LRRC18: variants seen among roughly 807,000 people sequenced by gnomAD.
LRRC18 encodes leucine-rich repeat-containing protein 18.
Under a neutral mutation model 11.2 loss-of-function variants are expected in LRRC18, and 12 were observed. That is an observed-to-expected ratio of 1.07 (90% CI 0.69 to 1.74). LRRC18 has a LOEUF of 1.74. Among genes scored for constraint, LRRC18 ranks in the 40% most tolerant of loss-of-function variants. The pLI is 0.00. For missense variants in LRRC18, 374 were observed against 330.5 expected (o/e 1.13, Z -1.02); for synonymous variants, 155 against 130.6 (o/e 1.19, Z -1.27).
chr10:48,931,381 A>G, the LRRC18 span, among the ~76,000 whole-genome samples: 1 of 152,304 alleles, frequency 6.6e-6, no homozygotes, highest in Non-Finnish European at 1.5e-5. Flanking sequence ...GGGGAGGAGC[A>G]GGCAGCCCAA....
chr10:48,931,096 AACACACACACACAC>A, the LRRC18 span, among the ~76,000 whole-genome samples: 808 of 150,342 alleles, frequency 5.4e-3, 1 homozygote, highest in Admixed American at 8.1e-3. Flanking sequence ...CTCACACTCA[AACACACACACACAC>A]ACACACACAC....
At chr10:48,930,606 G>A in the LRRC18 span, among the ~76,000 whole-genome samples, 1 of 152,092 alleles carries the variant, frequency 6.6e-6, no homozygotes, top group Non-Finnish European at 1.5e-5. Flanking sequence ...ACACATGGAG[G>A]CCACTTCTAA....
At chr10:48,936,777 G>A in the LRRC18 span, among the ~76,000 whole-genome samples, 1 of 150,032 alleles carries the variant, frequency 6.7e-6, no homozygotes, top group African/African-American at 2.5e-5. Context: ...GACAGAGGTT[G>A]CAGTGAGCCG....
chr10:48,910,375 G>T (rs1477206797), intron 1 of LRRC18, 117 bp from the exon 4 acceptor site: 1 of 880,762 alleles, frequency 1.1e-6, no homozygotes, highest in Non-Finnish European at 1.9e-6. Context: ...GGATGGTCAG[G>T]TTAGTGTGAA....
chr10:48,937,531 C>T, the LRRC18 span, among the ~76,000 whole-genome samples: 3 of 152,162 alleles, frequency 2.0e-5, 1 homozygote, highest in African/African-American at 7.2e-5. Context: ...CCTCCTTGCC[C>T]CACACCTCCA....
At chr10:48,914,450 G>T (rs892054511), upstream of LRRC18, among the ~76,000 whole-genome samples, 4 of 152,156 alleles carry the variant, frequency 2.6e-5, no homozygotes, top group African/African-American at 7.2e-5. Context: ...GAGGTGCAGG[G>T]TCAGCCTGAA....
chr10:48,935,357 AG>A, the LRRC18 span: 1 of 152,262 alleles, frequency 6.6e-6, no homozygotes, highest in African/African-American at 2.4e-5. Context: ...TGCCACGAGG[AG>A]GGAACCCCAG....
chr10:48,933,865 G>A, the LRRC18 span, among the ~76,000 whole-genome samples: 3 of 152,144 alleles, frequency 2.0e-5, no homozygotes, highest in African/African-American at 7.2e-5. Context: ...TGATAGGAAG[G>A]GAGAAAGGGC....
the LRRC18 span, among the ~76,000 whole-genome samples, chr10:48,932,876 A>G: frequency 6.6e-6 from 1 of 152,132 alleles, no homozygotes; most frequent in African/African-American, 2.4e-5. Context: ...ACATGGAAGG[A>G]TTTTGGAAAG....
At chr10:48,911,440 A>G (rs2133475169) in intron 1 of LRRC18, among the ~76,000 whole-genome samples, 1 of 152,374 alleles carries the variant, frequency 6.6e-6, no homozygotes, top group East Asian at 1.9e-4. Context: ...CAAGGAAATA[A>G]TTAAAAATAT....
chr10:48,918,709 C>G (rs1385218871), upstream of LRRC18, among the ~76,000 whole-genome samples: 2 of 152,068 alleles, frequency 1.3e-5, no homozygotes, highest in South Asian at 2.1e-4. Context: ...AACCTTGGCT[C>G]TGTTGACATT....
At chr10:48,916,035 C>A (rs6537584), upstream of LRRC18, among the ~76,000 whole-genome samples, 63,843 of 152,014 alleles carry the variant, frequency 0.42, 13,641 homozygotes, top group South Asian at 0.58. Context: ...CTCACTTGGT[C>A]CCACCAAACT....
chr10:48,918,706 G>A (rs926706347), upstream of LRRC18, among the ~76,000 whole-genome samples: 1 of 152,126 alleles, frequency 6.6e-6, no homozygotes, highest in Admixed American at 6.5e-5. Context: ...CTCAACCTTG[G>A]CTCTGTTGAC....
chr10:48,932,217 A>G, the LRRC18 span, among the ~76,000 whole-genome samples: 8 of 152,220 alleles, frequency 5.3e-5, no homozygotes, highest in African/African-American at 1.4e-4. Context: ...GGCTTCTACC[A>G]CCAGTGGCGG....
At chr10:48,938,676 G>A in the LRRC18 span, among the ~76,000 whole-genome samples, 1 of 152,210 alleles carries the variant, frequency 6.6e-6, no homozygotes, top group Admixed American at 6.5e-5. Context: ...AAGGCCCTAA[G>A]GCCACATGGC....
chr10:48,916,552 C>T (rs918218359), upstream of LRRC18, among the ~76,000 whole-genome samples: 1 of 152,160 alleles, frequency 6.6e-6, no homozygotes, highest in Non-Finnish European at 1.5e-5. Context: ...TGCCACTTGG[C>T]TCTAGAGGCA....
intron 1 of LRRC18, among the ~76,000 whole-genome samples, chr10:48,913,115 G>C (rs72799311): frequency 0.05 from 7,572 of 152,308 alleles, 234 homozygotes; most frequent in Non-Finnish European, 0.065. Flanking sequence ...CTGGGGGCAA[G>C]AGTAGGATGG....
the LRRC18 span, among the ~76,000 whole-genome samples, chr10:48,929,357 G>T: frequency 3.3e-5 from 5 of 152,310 alleles, no homozygotes; most frequent in Non-Finnish European, 5.9e-5. Flanking sequence ...GCACTGGGCT[G>T]GTCTCAATAG....
chr10:48,920,706 A>G, the LRRC18 span, among the ~76,000 whole-genome samples: 1 of 152,228 alleles, frequency 6.6e-6, no homozygotes, highest in Non-Finnish European at 1.5e-5. Context: ...ACAGAAAAGA[A>G]TGAAATAAAA....
Sources: gnomAD v4.1 joint callset for allele counts (sites outside exome capture counted in the v4.1 genomes callset) on GRCh38, gnomAD v4.1.1 for gene constraint, MANE v1.5 for transcripts, NCBI Gene and HGNC (gene_info 2026-07-23, HGNC 2026-07-21) for gene names.